NARS2: variants seen among roughly 807,000 people sequenced by gnomAD.
NARS2 encodes the protein asparaginyl-tRNA synthetase 2, mitochondrial.
Under a neutral mutation model 62.9 loss-of-function variants are expected in NARS2, and 60 were observed. The ratio of observed to expected loss-of-function variants is 0.95; its 90% CI spans 0.77 to 1.18. NARS2 has a LOEUF of 1.18. Among genes scored for constraint, NARS2 ranks in the 50% most tolerant of loss-of-function variants. The probability of loss-of-function intolerance (pLI) is 0.00; values close to 1 mark genes in which losing one functional copy is unlikely to be tolerated. For synonymous variants in NARS2, 196 were observed against 200.0 expected, an observed-to-expected ratio of 0.98 and a Z score of 0.17; for missense variants, 619 against 576.4, an observed-to-expected ratio of 1.07 and a Z score of -0.76.
chr11:78,479,422 T>G lies in NARS2; in HGVS notation c.823-739A>C, dbSNP rs571124903. Among the ~76,000 whole-genome samples, 3 of 152,182 alleles carry G rather than the reference T, an allele frequency of 2.0e-5. No individual in the cohort carries two copies. The South Asian group carries it at 6.2e-4, about 32-fold the overall frequency. ...TCCTCAGGAGGCTGAGTTGGGAGGA[T>G]CACTTGAGCCTGCGAGGTTGAGGCT... On this transcript the variant is annotated intron_variant, in intron 7 of 13. Coordinates refer to ENST00000281038, the MANE Select transcript of NARS2 (RefSeq NM_024678.6).
intron 12 of NARS2, among the ~76,000 whole-genome samples, chr11:78,442,658 A>G (rs1412078450): frequency 6.6e-6 from 1 of 152,014 alleles, no homozygotes; most frequent in Non-Finnish European, 1.5e-5. Flanking sequence ...TACTTTTACT[A>G]AAGTAGGAAT....
chr11:78,561,088 A>T (rs1159793595), intron 4 of NARS2, among the ~76,000 whole-genome samples: 1 of 151,846 alleles, frequency 6.6e-6, no homozygotes, highest in Non-Finnish European at 1.5e-5. Flanking sequence ...TTAGGAAAAT[A>T]ACTGAGATTT....
intron 6 of NARS2, among the ~76,000 whole-genome samples, chr11:78,520,736 C>T (rs1023406351): frequency 2.6e-5 from 4 of 151,934 alleles, no homozygotes; most frequent in African/African-American, 9.7e-5. Flanking sequence ...CTAATTGTTC[C>T]TAATTATGTT....
chr11:78,473,848 A>T (rs188117720), intron 9 of NARS2, among the ~76,000 whole-genome samples: 10 of 152,180 alleles, frequency 6.6e-5, no homozygotes, highest in Non-Finnish European at 1.3e-4. Context: ...CTTTGTGTGT[A>T]TATCTGTGCA....
At chr11:78,550,949 T>C (rs929265323) in intron 5 of NARS2, among the ~76,000 whole-genome samples, 1 of 152,194 alleles carries the variant, frequency 6.6e-6, no homozygotes, top group African/African-American at 2.4e-5. Context: ...CAATACTTTA[T>C]AAGTGAAAGA....
intron 11 of NARS2, among the ~76,000 whole-genome samples, chr11:78,463,632 G>C (rs919281407): frequency 1.4e-5 from 2 of 140,928 alleles, no homozygotes; most frequent in Non-Finnish European, 3.1e-5. Context: ...GTTGCAGTGA[G>C]CTGAGATCAC....
chr11:78,478,866 G>A (rs546192573), intron 7 of NARS2, among the ~76,000 whole-genome samples, 183 bp from the exon 8 acceptor site: 3 of 152,224 alleles, frequency 2.0e-5, no homozygotes, highest in African/African-American at 7.2e-5. Context: ...CTTGGTGGGT[G>A]GCAGGGAGGA....
intron 6 of NARS2, among the ~76,000 whole-genome samples, chr11:78,494,349 T>C (rs1010637713): frequency 1.2e-4 from 19 of 152,208 alleles, no homozygotes; most frequent in African/African-American, 3.9e-4. Context: ...TTGAGGCTCC[T>C]TAGCTATGAT....
At chr11:78,519,786 C>T (rs1861046104) in intron 6 of NARS2, among the ~76,000 whole-genome samples, 2 of 151,912 alleles carry the variant, frequency 1.3e-5, no homozygotes, top group Admixed American at 6.6e-5. Flanking sequence ...CTGCAACCTC[C>T]GCCTCCTGGG....
intron 6 of NARS2, among the ~76,000 whole-genome samples, chr11:78,504,892 C>T (rs1184897757): frequency 6.6e-6 from 1 of 151,938 alleles, no homozygotes; most frequent in Non-Finnish European, 1.5e-5. Flanking sequence ...TGTTATCAGC[C>T]CTCCCTTTCA....
At chr11:78,463,983 T>C (rs575438361) in intron 11 of NARS2, among the ~76,000 whole-genome samples, 27 of 152,314 alleles carry the variant, frequency 1.8e-4, no homozygotes, top group Middle Eastern at 3.4e-3. Flanking sequence ...TTGGTCTCAC[T>C]GACTTCAACA....
At chr11:78,522,244 C>T (rs1861157525) in intron 6 of NARS2, among the ~76,000 whole-genome samples, 1 of 151,938 alleles carries the variant, frequency 6.6e-6, no homozygotes, top group African/African-American at 2.4e-5. Flanking sequence ...AGGCATGAGC[C>T]ACTGTGCCTG....
intron 6 of NARS2, among the ~76,000 whole-genome samples, chr11:78,510,885 T>C (rs906594341): frequency 4.6e-5 from 7 of 152,070 alleles, no homozygotes; most frequent in African/African-American, 1.7e-4. Flanking sequence ...TTATGCTGAG[T>C]GAAAGAAGAC....
At chr11:78,458,245 T>G (rs1001931195) in intron 11 of NARS2, among the ~76,000 whole-genome samples, 4 of 152,152 alleles carry the variant, frequency 2.6e-5, no homozygotes, top group Non-Finnish European at 5.9e-5. Flanking sequence ...ATACATACAA[T>G]TATTACATGT....
chr11:78,553,888 C>T (rs1368417671), intron 5 of NARS2, among the ~76,000 whole-genome samples: 1 of 152,170 alleles, frequency 6.6e-6, no homozygotes, highest in African/African-American at 2.4e-5. Flanking sequence ...ATTTAAGCCT[C>T]TTTAATCCAT....
At chr11:78,500,326 G>A (rs1860234289) in intron 6 of NARS2, among the ~76,000 whole-genome samples, 1 of 152,090 alleles carries the variant, frequency 6.6e-6, no homozygotes, top group African/African-American at 2.4e-5. Context: ...GTATATAAAT[G>A]TCATGGAGGT....
At chr11:78,457,624 A>G (rs1259424301) in intron 11 of NARS2, among the ~76,000 whole-genome samples, 1 of 152,250 alleles carries the variant, frequency 6.6e-6, no homozygotes, top group Admixed American at 6.5e-5. Flanking sequence ...CTAGTACTGC[A>G]TAAATTATGG....
chr11:78,512,177 TTC>T (rs914305327), intron 6 of NARS2, among the ~76,000 whole-genome samples: 1 of 152,236 alleles, frequency 6.6e-6, no homozygotes, highest in African/African-American at 2.4e-5. Context: ...GTTAATTGAT[TTC>T]TCTGTCTTAA....
chr11:78,552,167 A>G (rs1201067115), intron 5 of NARS2, among the ~76,000 whole-genome samples: 1 of 152,120 alleles, frequency 6.6e-6, no homozygotes, highest in African/African-American at 2.4e-5. Context: ...TCAGGAAGAC[A>G]CCAGTGTCTG....
Sources: allele counts gnomAD v4.1 joint callset (sites outside exome capture counted in the v4.1 genomes callset), GRCh38; gene constraint gnomAD v4.1.1; transcripts MANE v1.5; gene names NCBI Gene and HGNC (gene_info 2026-07-23, HGNC 2026-07-21).